Variants in PEBP4 observed in about 807,000 individuals in gnomAD.
PEBP4 encodes phosphatidylethanolamine-binding protein 4.
Under a neutral mutation model 23.9 loss-of-function variants are expected in PEBP4, and 22 were observed. The observed-to-expected ratio is 0.92, with a 90% confidence interval of 0.66 to 1.31. PEBP4 has a LOEUF of 1.31. Ranked by LOEUF, PEBP4 falls within the 40% of genes most tolerant of loss-of-function variation. The probability of loss-of-function intolerance (pLI) is 0.00; values close to 1 mark genes in which losing one functional copy is unlikely to be tolerated. For missense variants in PEBP4, 324 were observed against 281.7 expected (o/e 1.15, Z -1.07); for synonymous variants, 112 against 99.3 (o/e 1.13, Z -0.76).
chr8:22,924,761 T>C (rs1198090448), intron 2 of PEBP4: 1 of 985,198 alleles, frequency 1.0e-6, no homozygotes, highest in African/African-American at 1.7e-5. Context: ...GTTTGGAGAA[T>C]CATGGTTCTT....
chr8:22,781,013 C>T (rs1056771090), intron 4 of PEBP4, among the ~76,000 whole-genome samples: 1 of 152,226 alleles, frequency 6.6e-6, no homozygotes, highest in Admixed American at 6.5e-5. Flanking sequence ...GTGAAGACAG[C>T]GCAGTTAGCA....
At chr8:22,876,277 G>A (rs914449463) in intron 3 of PEBP4, among the ~76,000 whole-genome samples, 4 of 152,168 alleles carry the variant, frequency 2.6e-5, no homozygotes, top group South Asian at 2.1e-4. Flanking sequence ...CGTACCATGC[G>A]TACAACGGTG....
intron 4 of PEBP4, among the ~76,000 whole-genome samples, chr8:22,816,716 G>A (rs1173050993): frequency 2.6e-5 from 4 of 152,124 alleles, no homozygotes; most frequent in Non-Finnish European, 5.9e-5. Flanking sequence ...TTCTAGTTCC[G>A]AGTTCCCACT....
At chr8:22,931,463 C>T (rs1434744816), upstream of PEBP4, among the ~76,000 whole-genome samples, 1 of 152,140 alleles carries the variant, frequency 6.6e-6, no homozygotes, top group East Asian at 1.9e-4. Context: ...TTTTGGATGC[C>T]TCTACCAACA....
chr8:22,875,547 G>GAGGAAACT (rs1020071614), intron 3 of PEBP4, among the ~76,000 whole-genome samples: 4 of 152,086 alleles, frequency 2.6e-5, no homozygotes, highest in African/African-American at 9.7e-5. Flanking sequence ...TTTATTAAAA[G>GAGGAAACT]AGGAAACTGC....
chr8:22,844,226 C>T (rs1034414024), intron 3 of PEBP4, among the ~76,000 whole-genome samples: 16 of 152,212 alleles, frequency 1.1e-4, no homozygotes, highest in African/African-American at 2.9e-4. Context: ...AGGCTGTACC[C>T]GGTTAGAAAA....
At chr8:22,883,419 G>C (rs1422593731) in intron 3 of PEBP4, among the ~76,000 whole-genome samples, 1 of 151,812 alleles carries the variant, frequency 6.6e-6, no homozygotes, top group Non-Finnish European at 1.5e-5. Context: ...ACCCACACCA[G>C]TGACCTGATC....
chr8:22,742,555 G>T (rs1805019700), intron 4 of PEBP4, among the ~76,000 whole-genome samples: 1 of 152,196 alleles, frequency 6.6e-6, no homozygotes, highest in Non-Finnish European at 1.5e-5. Context: ...GGGACAGAAG[G>T]GGGATGATGA....
At chr8:22,849,100 A>C (rs1222376099) in intron 3 of PEBP4, among the ~76,000 whole-genome samples, 1 of 152,216 alleles carries the variant, frequency 6.6e-6, no homozygotes, top group Non-Finnish European at 1.5e-5. Flanking sequence ...TGAGACCCTA[A>C]AGACTTCAGC....
intron 5 of PEBP4, among the ~76,000 whole-genome samples, chr8:22,726,643 T>C (rs986809494): frequency 3.9e-5 from 6 of 152,220 alleles, no homozygotes; most frequent in African/African-American, 1.2e-4. Context: ...CATCTTCCCA[T>C]TTCCTGGAGG....
intron 4 of PEBP4, among the ~76,000 whole-genome samples, chr8:22,794,111 T>G (rs943152120): frequency 6.6e-6 from 1 of 152,220 alleles, no homozygotes; most frequent in African/African-American, 2.4e-5. Flanking sequence ...ATATTGTATT[T>G]CTTTTGAAAA....
intron 3 of PEBP4, among the ~76,000 whole-genome samples, chr8:22,904,338 C>T (rs1253985487): frequency 6.6e-6 from 1 of 152,182 alleles, no homozygotes; most frequent in Non-Finnish European, 1.5e-5. Context: ...TTTTACCACC[C>T]CTAGACCTGT....
chr8:22,850,370 G>A (rs1807527405), intron 3 of PEBP4, among the ~76,000 whole-genome samples: 1 of 152,218 alleles, frequency 6.6e-6, no homozygotes, highest in South Asian at 2.1e-4. Flanking sequence ...GGTGGGAAGG[G>A]ACTGAAGAGG....
At chr8:22,937,072 A>G (rs1309099697) in intron 1 of PEBP4, among the ~76,000 whole-genome samples, 1 of 152,214 alleles carries the variant, frequency 6.6e-6, no homozygotes, top group Admixed American at 6.5e-5. Context: ...CTCTTATTCA[A>G]CATATATAGA....
intron 4 of PEBP4, among the ~76,000 whole-genome samples, chr8:22,814,660 G>A (rs1486800895): frequency 2.0e-5 from 3 of 152,176 alleles, no homozygotes; most frequent in African/African-American, 4.8e-5. Flanking sequence ...TGCTTCTGTG[G>A]TCATTGTGAA....
chr8:22,794,948 T>G (rs960449972), intron 4 of PEBP4, among the ~76,000 whole-genome samples: 1 of 151,826 alleles, frequency 6.6e-6, no homozygotes, highest in East Asian at 1.9e-4. Context: ...CCCAAATGGA[T>G]AGTCAATCAT....
At position 22,865,350 on chromosome 8, in the gene PEBP4, ACCCACGGGCGGTGACGGTGGCGGTGGCG is replaced by A; in HGVS notation, c.259-47643_259-47616del. ...CCCCCTGCGGCGTCTCCCGCTGCCC[ACCCACGGGCGGTGACGGTGGCGGTGGCG>A]GTGGCGGCGGCGGGACCCCGGGCCT... is the stretch of plus-strand genomic sequence containing the variant. On this transcript the variant is annotated intron_variant, in intron 3 of 6. Transcript: ENST00000256404. This position sits in a 1 kb window ranked among gnomAD's most constrained non-coding sequence, Gnocchi z 6.9. Among the ~76,000 whole-genome samples, 1 of 127,362 alleles carries A rather than the reference ACCCACGGGCGGTGACGGTGGCGGTGGCG, an allele frequency of 7.9e-6. No homozygotes were observed. The highest frequency in any genetic ancestry group is 2.5e-4 in the East Asian group (1 of 4,008). The allele number at this position is 127,362 out of a possible 152,430, so 83.6% of individuals were successfully genotyped here.
intron 4 of PEBP4, among the ~76,000 whole-genome samples, chr8:22,766,912 G>C (rs1292734157): frequency 6.6e-6 from 1 of 152,206 alleles, no homozygotes; most frequent in Non-Finnish European, 1.5e-5. Flanking sequence ...CAGCCATGTG[G>C]CCTTAGGTGA....
chr8:22,852,931 C>A (rs1426259785), intron 3 of PEBP4, among the ~76,000 whole-genome samples: 1 of 152,200 alleles, frequency 6.6e-6, no homozygotes, highest in African/African-American at 2.4e-5. Context: ...GGAGCAAGGC[C>A]TCTAAAAAGG....
Sources: gnomAD v4.1 joint callset for allele counts (sites outside exome capture counted in the v4.1 genomes callset) on GRCh38, gnomAD v4.1.1 for gene constraint, Gnocchi (gnomAD v3.1) non-coding constraint, MANE v1.5 for transcripts, NCBI Gene and HGNC (gene_info 2026-07-23, HGNC 2026-07-21) for gene names.